Variants in ATP9A observed in about 807,000 individuals in gnomAD.
The protein encoded by ATP9A is ATPase phospholipid transporting 9A.
ATP9A carries 52 observed loss-of-function variants against 144.1 expected under a neutral mutation model. That is an observed-to-expected ratio of 0.36 (90% confidence interval 0.29 to 0.45). The LOEUF (loss-of-function observed/expected upper bound fraction) is 0.45, where lower values mean the gene tolerates loss of function less well. ATP9A is among the 20% of genes least tolerant of loss of function. ATP9A has a pLI of 1.00. For missense variants in ATP9A, 947 were observed against 1,392.7 expected, an observed-to-expected ratio of 0.68 and a Z score of 5.09; for synonymous variants, 582 against 557.4, an observed-to-expected ratio of 1.04 and a Z score of -0.62.
intron 27 of ATP9A, among the ~76,000 whole-genome samples, chr20:51,602,668 T>C (rs2122702237): frequency 6.6e-6 from 1 of 152,306 alleles, no homozygotes; most frequent in South Asian, 2.1e-4. Context: ...GGATGTTTCT[T>C]TTACCTTTAC....
intron 1 of ATP9A, among the ~76,000 whole-genome samples, chr20:51,749,225 G>A (rs933750352): frequency 1.3e-5 from 2 of 152,008 alleles, no homozygotes; most frequent in Admixed American, 6.6e-5. Context: ...TTCAAAAAGG[G>A]AATGAAGAAG....
chr20:51,617,468 G>C lies in ATP9A; in HGVS notation c.2415+22C>G, dbSNP rs1481758823. The C allele has an allele frequency of 2.5e-6, 4 of 1,602,410 alleles. No homozygotes were observed. In the South Asian group the frequency reaches 4.5e-5, roughly 18 times the overall value. On this transcript the variant is annotated intron_variant, in intron 22 of 27. Coordinates refer to ENST00000338821, the MANE Select transcript of ATP9A (RefSeq NM_006045.3). The stretch of plus-strand genomic sequence containing the variant: ...CCAAGAAACTACAGCAAGTGGAGCC[G>C]AGCAGAGGGAAACACTCTCACCTTT...
chr20:51,734,143 T>C (rs1276635916), intron 1 of ATP9A, among the ~76,000 whole-genome samples: 1 of 142,874 alleles, frequency 7.0e-6, no homozygotes, highest in Admixed American at 6.9e-5. Flanking sequence ...CACACCTGGC[T>C]AATTTTTGTA....
intron 26 of ATP9A, among the ~76,000 whole-genome samples, chr20:51,606,150 G>A (rs1363555354): frequency 2.6e-5 from 4 of 151,844 alleles, no homozygotes; most frequent in African/African-American, 4.8e-5. Context: ...CCAGTTATTC[G>A]GGAGGCTGAG....
At chr20:51,657,280 C>T in intron 13 of ATP9A, 130 bp from the exon 14 acceptor site, 1 of 629,352 alleles carries the variant, frequency 1.6e-6, no homozygotes, top group Non-Finnish European at 2.6e-6. Flanking sequence ...GATATATCTA[C>T]AATGATGCTG....
In ATP9A at chr20:51,600,807, AACACACAC is replaced by A. The variant is rs35997419; in HGVS notation, c.*396_*403del. The A allele has an allele frequency of 0.043, 5,141 of 120,598 alleles. 101 individuals carry two copies. Among genetic ancestry groups the A allele is most frequent in the Middle Eastern group, 0.091 (21 of 230 alleles). 7.5% of individuals were successfully genotyped at this position (120,598 alleles called of 1,614,324 possible). A position where few individuals can be genotyped will look rare whatever the true frequency, so the allele number is the denominator to read the frequency against. ...TACATACACATTAGGACTCTTTAAA[AACACACAC>A]ACACACACACACACACACACACACA... On this transcript the variant is annotated 3_prime_UTR_variant, in exon 28 of 28. Coordinates refer to ENST00000338821, the MANE Select transcript of ATP9A (RefSeq NM_006045.3).
intron 11 of ATP9A, 83 bp from the exon 12 acceptor site, chr20:51,671,340 C>A: frequency 6.7e-7 from 1 of 1,499,238 alleles, no homozygotes. Flanking sequence ...ACTCTAAACA[C>A]ATGTGCCATC....
chr20:51,736,552 CTA>C (rs2077763624), intron 1 of ATP9A, among the ~76,000 whole-genome samples: 1 of 148,262 alleles, frequency 6.7e-6, no homozygotes, highest in Admixed American at 6.8e-5. Flanking sequence ...CGAGGTCTCG[CTA>C]TATTGCCCAG....
chr20:51,621,778 G>A (rs1183014553), intron 19 of ATP9A, among the ~76,000 whole-genome samples: 2 of 152,060 alleles, frequency 1.3e-5, no homozygotes, highest in Non-Finnish European at 2.9e-5. Context: ...TGCATCTTTC[G>A]GGGGGAGTGC....
intron 3 of ATP9A, among the ~76,000 whole-genome samples, chr20:51,721,054 G>A (rs1197642054): frequency 2.0e-5 from 3 of 152,184 alleles, no homozygotes; most frequent in African/African-American, 4.8e-5. Context: ...CGTCATTTCA[G>A]AAGCACCTGC....
chr20:51,737,442 C>A (rs2077767323), intron 1 of ATP9A, among the ~76,000 whole-genome samples: 1 of 152,166 alleles, frequency 6.6e-6, no homozygotes, highest in Non-Finnish European at 1.5e-5. Context: ...ATTTCCTTTG[C>A]TAATTACACA....
intron 15 of ATP9A, among the ~76,000 whole-genome samples, chr20:51,636,120 T>C (rs1336138884): frequency 6.6e-6 from 1 of 152,014 alleles, no homozygotes; most frequent in Non-Finnish European, 1.5e-5. Context: ...ATAGAACACA[T>C]AATATGCTGT....
At chr20:51,735,773 T>C (rs1205097272) in intron 1 of ATP9A, among the ~76,000 whole-genome samples, 1 of 152,246 alleles carries the variant, frequency 6.6e-6, no homozygotes, top group African/African-American at 2.4e-5. Flanking sequence ...GACTTTCAAG[T>C]CAATAGATAC....
At chr20:51,705,864 A>G (rs1601116766) in intron 4 of ATP9A, among the ~76,000 whole-genome samples, 1 of 152,328 alleles carries the variant, frequency 6.6e-6, no homozygotes, top group East Asian at 1.9e-4. Flanking sequence ...TGGGTCTGCT[A>G]CATCTCCAAG....
At chr20:51,632,240 C>A (rs1455027537) in intron 15 of ATP9A, among the ~76,000 whole-genome samples, 1 of 152,064 alleles carries the variant, frequency 6.6e-6, no homozygotes, top group African/African-American at 2.4e-5. Context: ...CACCACCATG[C>A]CCAGCTAATT....
intron 9 of ATP9A, among the ~76,000 whole-genome samples, chr20:51,681,223 C>T (rs2077498358): frequency 6.6e-6 from 1 of 152,162 alleles, no homozygotes; most frequent in Non-Finnish European, 1.5e-5. Flanking sequence ...CAAAACACTT[C>T]ATCAATTAAA....
chr20:51,615,833 A>T (rs1264642364), intron 22 of ATP9A, among the ~76,000 whole-genome samples: 1 of 152,154 alleles, frequency 6.6e-6, no homozygotes, highest in Non-Finnish European at 1.5e-5. Flanking sequence ...ACGGGGTCTC[A>T]CCATGTTGGC....
In ATP9A at chr20:51,608,566, T is replaced by G; in HGVS notation, c.2697A>C (p.Lys899Asn). ...CAGGATACAGCATGGCAACTTCCGA[T>G]TTGACATCTTTGTCCAGGACCAGAG... Reference protein sequence around the residue: ...VFSLVLDKDVKSEVAMLYPEL... With the variant: ...VFSLVLDKDVNSEVAMLYPEL... The change falls in exon 25 of 28, where the codon AAA becomes AAC. Residue 899 changes from lysine to asparagine, a missense_variant. By Grantham distance (94) the Lys-to-Asn change is moderately conservative (BLOSUM62 0). Coordinates refer to ENST00000338821, the MANE Select transcript of ATP9A (RefSeq NM_006045.3). The G allele has an allele frequency of 1.9e-6, 3 of 1,613,774 alleles. No individual in the cohort carries two copies. The highest frequency in any genetic ancestry group is 2.5e-6 in the Non-Finnish European group (3 of 1,179,666).
At chr20:51,674,476 A>G (rs1023856877) in intron 10 of ATP9A, among the ~76,000 whole-genome samples, 163 bp from the exon 11 acceptor site, 9 of 152,208 alleles carry the variant, frequency 5.9e-5, no homozygotes, top group Non-Finnish European at 1.2e-4. Context: ...CAGGTAGGAC[A>G]GTGGGATCCA....
Sources: allele counts gnomAD v4.1 joint callset (sites outside exome capture counted in the v4.1 genomes callset), GRCh38; gene constraint gnomAD v4.1.1; transcripts MANE v1.5; gene names NCBI Gene and HGNC (gene_info 2026-07-23, HGNC 2026-07-21).